The following SNCAIP variants were observed in gnomAD, a reference collection of about 807,000 sequenced individuals.
SNCAIP encodes synphilin-1.
SNCAIP carries 43 observed loss-of-function variants against 86.7 expected under a neutral mutation model. The observed-to-expected ratio is 0.50, with a 90% CI of 0.39 to 0.64. The LOEUF (loss-of-function observed/expected upper bound fraction) is 0.64. Among genes scored for constraint, SNCAIP ranks in the 30% least tolerant of loss-of-function variants. The pLI is 0.00. For missense variants in SNCAIP, 981 were observed against 1,103.1 expected (o/e 0.89, Z 1.57); for synonymous variants, 417 against 427.2 (o/e 0.98, Z 0.29).
At position 122,451,441 on chromosome 5, in the gene SNCAIP, G is replaced by A. The variant is rs150746854; in HGVS notation, c.2594G>A (p.Arg865Gln). ...DQLKRPFGAF[R>Q]SIMETLSGNQ... ...CTGAAAAGGCCTTTTGGAGCCTTTC[G>A]ATCTATCATGGAGACACTAAGTGGC... is the stretch of plus-strand genomic sequence containing the variant. The change falls in exon 10 of 11, where the codon CGA becomes CAA. Residue 865 changes from arginine (R) to glutamine (Q), a missense_variant. Arg to Gln is a conservative substitution (Grantham distance 43). Transcript: ENST00000261368. 5.0e-6 allele frequency: 8 copies of A among 1,613,840 alleles called. No homozygotes were observed. The Admixed American group carries it at 1.0e-4, about 20-fold the overall frequency.
At chr5:122,356,525 T>C (rs1761056554) in intron 1 of SNCAIP, among the ~76,000 whole-genome samples, 1 of 152,244 alleles carries the variant, frequency 6.6e-6, no homozygotes, top group Admixed American at 6.5e-5. Context: ...TTATATACAT[T>C]CACACATATA....
intron 4 of SNCAIP, among the ~76,000 whole-genome samples, chr5:122,424,371 A>G (rs958653456): frequency 4.6e-5 from 7 of 152,212 alleles, no homozygotes; most frequent in African/African-American, 1.2e-4. Flanking sequence ...AGAGAGAGCT[A>G]AACTTAAATA....
chr5:122,383,386 A>G (rs112249848), intron 1 of SNCAIP: 22,825 of 152,896 alleles, frequency 0.15, 1,911 homozygotes, highest in South Asian at 0.24. Context: ...GCAATGCCTC[A>G]CCCTGCTTCG....
At chr5:122,345,629 A>C (rs1309327192) in intron 1 of SNCAIP, among the ~76,000 whole-genome samples, 3 of 152,084 alleles carry the variant, frequency 2.0e-5, no homozygotes, top group Non-Finnish European at 4.4e-5. Flanking sequence ...TTTATGGTAT[A>C]ATATGGCCAT....
intron 1 of SNCAIP, among the ~76,000 whole-genome samples, chr5:122,369,398 G>T (rs1190051866): frequency 6.6e-6 from 1 of 152,204 alleles, no homozygotes; most frequent in Non-Finnish European, 1.5e-5. Flanking sequence ...AATGGCACAT[G>T]TGCATTTGAG....
In SNCAIP at chr5:122,444,742, C is replaced by T. The variant is rs550630149; in HGVS notation, c.1592+10C>T. 7 of 1,612,020 alleles carry T rather than the reference C, an allele frequency of 4.3e-6. No individual in the cohort carries two copies. The East Asian group carries it at 1.3e-4, about 31-fold the overall frequency. ...CCAAGCAGCTAAAGGAGTAAGTGGC[C>T]TGTTGGTTCCATGAGAACCAAGTCT... On this transcript the variant is annotated intron_variant, in intron 8 of 10. Coordinates refer to ENST00000261368, the MANE Select transcript of SNCAIP (RefSeq NM_005460.4).
intron 2 of SNCAIP, 62 bp from the exon 3 acceptor site, chr5:122,403,731 T>A (rs931173807): frequency 1.5e-6 from 2 of 1,318,870 alleles, no homozygotes; most frequent in African/African-American, 1.4e-5. Flanking sequence ...TTCTGGCCAA[T>A]CTGAGTGAAT....
chr5:122,321,609 G>C (rs1268295614), intron 1 of SNCAIP: 3 of 152,228 alleles, frequency 2.0e-5, no homozygotes, highest in Non-Finnish European at 4.4e-5. Context: ...TTGGCAGTGG[G>C]TACATGGTGA....
chr5:122,419,823 G>A (rs888262569), intron 3 of SNCAIP, among the ~76,000 whole-genome samples: 9 of 152,108 alleles, frequency 5.9e-5, no homozygotes, highest in African/African-American at 2.2e-4. Flanking sequence ...TAAAATAAAA[G>A]TATGAGTGAA....
chr5:122,458,581 T>C (rs1024722210), intron 10 of SNCAIP, among the ~76,000 whole-genome samples: 1 of 152,234 alleles, frequency 6.6e-6, no homozygotes, highest in Non-Finnish European at 1.5e-5. Context: ...ACAGCCACTT[T>C]CCAGTGCCTT....
chr5:122,435,093 G>T (rs1779140685), intron 6 of SNCAIP, among the ~76,000 whole-genome samples: 1 of 152,104 alleles, frequency 6.6e-6, no homozygotes, highest in Admixed American at 6.5e-5. Flanking sequence ...GTGCTCTCCT[G>T]AAGTGATAGA....
intron 2 of SNCAIP, among the ~76,000 whole-genome samples, chr5:122,398,803 C>G (rs73794600): frequency 0.019 from 2,966 of 152,232 alleles, 94 homozygotes; most frequent in African/African-American, 0.066. Context: ...AAAGCCAAAG[C>G]TTTTCAGCAC....
At chr5:122,427,960 G>T (rs1324097714) in intron 5 of SNCAIP, among the ~76,000 whole-genome samples, 2 of 152,062 alleles carry the variant, frequency 1.3e-5, no homozygotes, top group African/African-American at 4.8e-5. Context: ...CACCACTTCT[G>T]GGATACCCAA....
rs77376518 is a variant in SNCAIP at position 122,435,242 on chromosome 5, A to G, written c.1296+3160A>G. On this transcript the variant is annotated intron_variant, in intron 6 of 10. Transcript: ENST00000261368. ...TGGAAGCATCAGGGACACCCGAGGAAAAAGCAGGGAGTGTCCTCGGATAGG... is the reference window on the plus strand; with the variant it reads ...TGGAAGCATCAGGGACACCCGAGGAGAAAGCAGGGAGTGTCCTCGGATAGG... Among the ~76,000 whole-genome samples, 6 of 152,320 alleles carry G rather than the reference A, an allele frequency of 3.9e-5. No individual in the cohort carries two copies. In the East Asian group the frequency reaches 1.2e-3, roughly 29 times the overall value.
chr5:122,317,521 G>C (rs1014489124), intron 1 of SNCAIP, among the ~76,000 whole-genome samples: 2 of 152,242 alleles, frequency 1.3e-5, no homozygotes, highest in South Asian at 4.1e-4. Context: ...ACTTGACTCA[G>C]CTTTGATTAT....
intron 1 of SNCAIP, among the ~76,000 whole-genome samples, chr5:122,368,376 C>T (rs988383343): frequency 6.6e-6 from 1 of 152,146 alleles, no homozygotes; most frequent in African/African-American, 2.4e-5. Context: ...CAGAACTTTT[C>T]GTCATGGCCT....
At chr5:122,313,260 C>T (rs1167458739) in intron 1 of SNCAIP, among the ~76,000 whole-genome samples, 8 of 152,242 alleles carry the variant, frequency 5.3e-5, no homozygotes, top group Non-Finnish European at 1.5e-5. Context: ...GGATCGGATT[C>T]CTCTTGGCTG....
chr5:122,322,563 A>G (rs755920932), intron 1 of SNCAIP, among the ~76,000 whole-genome samples: 2 of 152,210 alleles, frequency 1.3e-5, no homozygotes, highest in Non-Finnish European at 2.9e-5. Context: ...TGGAGAGCTC[A>G]TTGACCTGCT....
intron 1 of SNCAIP, among the ~76,000 whole-genome samples, chr5:122,314,911 T>A (rs946472978): frequency 6.6e-6 from 1 of 152,224 alleles, no homozygotes; most frequent in Non-Finnish European, 1.5e-5. Context: ...AGTCTTTTCG[T>A]AAGGAACATT....
Sources: allele counts gnomAD v4.1 joint callset (sites outside exome capture counted in the v4.1 genomes callset), GRCh38; gene constraint gnomAD v4.1.1; transcripts MANE v1.5; gene names NCBI Gene and HGNC (gene_info 2026-07-23, HGNC 2026-07-21).